NRXN2: variants seen among roughly 807,000 people sequenced by gnomAD.
The protein encoded by NRXN2 is neurexin-2-beta.
NRXN2 carries 29 observed loss-of-function variants against 128.8 expected under a neutral mutation model. The ratio of observed to expected loss-of-function variants is 0.23; its 90% CI spans 0.17 to 0.31. The LOEUF (loss-of-function observed/expected upper bound fraction) is 0.31, where lower values mean the gene tolerates loss of function less well. Among genes scored for constraint, NRXN2 ranks in the 10% least tolerant of loss-of-function variants. The pLI is 1.00. For missense variants in NRXN2, 1,881 were observed against 2,452.6 expected, an observed-to-expected ratio of 0.77 and a Z score of 4.92; for synonymous variants, 1,098 against 1,075.2, an observed-to-expected ratio of 1.02 and a Z score of -0.41.
At chr11:64,686,884 T>C (rs1428605240) in intron 5 of NRXN2, among the ~76,000 whole-genome samples, 2 of 152,276 alleles carry the variant, frequency 1.3e-5, no homozygotes, top group Non-Finnish European at 2.9e-5. Context: ...GGCTGAGGGA[T>C]TGTCAGCATT....
At chr11:64,627,749 C>A (rs1053706628) in intron 19 of NRXN2, among the ~76,000 whole-genome samples, 1 of 152,142 alleles carries the variant, frequency 6.6e-6, no homozygotes, top group Non-Finnish European at 1.5e-5. Flanking sequence ...TCCTGGTCTG[C>A]AGCAGTGGAA....
chr11:64,656,653 G>C (rs2048329543), intron 11 of NRXN2, among the ~76,000 whole-genome samples: 4 of 152,246 alleles, frequency 2.6e-5, no homozygotes, highest in Middle Eastern at 3.4e-3. Flanking sequence ...ACACCTAGTA[G>C]AGGACAGTGC....
chr11:64,674,827 G>A (rs952967462), intron 7 of NRXN2, among the ~76,000 whole-genome samples: 3 of 152,194 alleles, frequency 2.0e-5, no homozygotes, highest in Non-Finnish European at 4.4e-5. Flanking sequence ...CCTTTACAGA[G>A]TACAAATGTT....
intron 13 of NRXN2, 31 bp downstream of exon 13, chr11:64,652,004 G>A: frequency 6.2e-7 from 1 of 1,607,372 alleles, no homozygotes; most frequent in Non-Finnish European, 8.5e-7. Context: ...CACTGGAGAT[G>A]TGTCCACCTC....
At chr11:64,683,835 C>A (rs1021812724) in intron 6 of NRXN2, among the ~76,000 whole-genome samples, 1 of 152,080 alleles carries the variant, frequency 6.6e-6, no homozygotes, top group African/African-American at 2.4e-5. Flanking sequence ...CTCCGGGAAC[C>A]CCAGGAAGAA....
intron 11 of NRXN2, 73 bp from the exon 12 acceptor site, chr11:64,653,795 T>C: frequency 9.2e-7 from 1 of 1,084,396 alleles, no homozygotes; most frequent in Non-Finnish European, 1.3e-6. Context: ...TTTTTTTACA[T>C]CCTTCACAGG....
At chr11:64,664,478 C>CA (rs11378464) in intron 9 of NRXN2, among the ~76,000 whole-genome samples, 40,307 of 98,454 alleles carry the variant, frequency 0.41, 7,473 homozygotes, top group African/African-American at 0.58. Flanking sequence ...AACTCCGTGT[C>CA]AAAAAAAAAA....
Position 64,685,750 on chromosome 11 carries a change from T to C in NRXN2, c.1048A>G (p.Ile350Val). ...TCGAAGGCACCTGAGCCTAGGTTGA[T>C]GACCAGCCAGACAGCCCCAGACTTG... ...SLKSGAVWLV[I>V]NLGSGAFEAL... Residue 350 changes from isoleucine (I) to valine (V), a missense_variant, in exon 6 of 23, where the codon ATC (isoleucine) becomes GTC (valine). Ile to Val is a conservative substitution (Grantham distance 29). This residue lies in a region of NRXN2 where 997 missense variants were observed against 1,240.8 expected (regional missense o/e 0.80). Transcript: ENST00000265459. 1 of 1,614,234 alleles carries C rather than the reference T, an allele frequency of 6.2e-7. No homozygotes were observed. Among genetic ancestry groups the C allele is most frequent in the Non-Finnish European group, 8.5e-7 (1 of 1,180,032 alleles).
intron 5 of NRXN2, among the ~76,000 whole-genome samples, chr11:64,687,982 T>G (rs992818674): frequency 6.6e-6 from 1 of 152,160 alleles, no homozygotes. Context: ...TTTTGCCACA[T>G]GTACTAGTCC....
In NRXN2 at chr11:64,693,344, G is replaced by GA. The variant is rs560071868; in HGVS notation, c.749-469dup. On this transcript the variant is annotated intron_variant, in intron 3 of 22. Transcript: ENST00000265459. ...TTTTTTTTCTTCCGGGAGGCGGAGA[G>GA]AAAAAAAAACAGTCAACGAGAAAAA... Among the ~76,000 whole-genome samples, 479 of 144,862 alleles carry GA rather than the reference G, an allele frequency of 3.3e-3. 3 individuals carry two copies. The highest frequency in any genetic ancestry group is 4.5e-3 in the Non-Finnish European group (299 of 65,936).
At chr11:64,661,212 G>T (rs1047946433) in intron 9 of NRXN2, 73 bp from the exon 10 acceptor site, 4 of 1,601,692 alleles carry the variant, frequency 2.5e-6, no homozygotes, top group South Asian at 1.1e-5. Context: ...TGCCAAGAAG[G>T]CCCCCCACCT....
intron 7 of NRXN2, among the ~76,000 whole-genome samples, chr11:64,669,989 T>C (rs932309500): frequency 6.6e-6 from 1 of 151,878 alleles, no homozygotes; most frequent in African/African-American, 2.4e-5. Flanking sequence ...CCACCAGCCA[T>C]CTTCCAGCGA....
intron 3 of NRXN2, among the ~76,000 whole-genome samples, 163 bp downstream of exon 3, chr11:64,697,610 AAG>A (rs2054737680): frequency 6.6e-6 from 1 of 152,120 alleles, no homozygotes; most frequent in Non-Finnish European, 1.5e-5. Context: ...GAGGGGACGC[AAG>A]AGAGTGGGGC....
chr11:64,644,257 T>C (rs1424982833), intron 17 of NRXN2, among the ~76,000 whole-genome samples: 3 of 151,972 alleles, frequency 2.0e-5, no homozygotes, highest in African/African-American at 4.8e-5. Context: ...CCCAGAGCCT[T>C]CGAGGTACTC....
chr11:64,693,066 G>A (rs1369530583), intron 3 of NRXN2, among the ~76,000 whole-genome samples, 190 bp from the exon 4 acceptor site: 1 of 151,752 alleles, frequency 6.6e-6, no homozygotes, highest in African/African-American at 2.4e-5. Context: ...CCCAGCCCAG[G>A]AGCTGAGGAG....
In NRXN2 at chr11:64,632,805, C is replaced by T. The variant is rs926364518; in HGVS notation, c.3586-2232G>A. On this transcript the variant is annotated intron_variant, in intron 18 of 22. Transcript: ENST00000265459. This position sits in a 1 kb window ranked among gnomAD's most constrained non-coding sequence, Gnocchi z 4.2. ...CCTCATTAGGCGGCGGTGGGGAGAA[C>T]GAAGCCGCTCCTACAGCAAATAATT... 7.2e-5 allele frequency among the ~76,000 whole-genome samples: 11 copies of T among 152,336 alleles called. No individual in the cohort carries two copies. The East Asian group carries it at 7.7e-4, about 11-fold the overall frequency.
At chr11:64,717,198 G>A (rs1029249602) in intron 1 of NRXN2, among the ~76,000 whole-genome samples, 17 of 152,178 alleles carry the variant, frequency 1.1e-4, no homozygotes, top group Non-Finnish European at 2.2e-4. Flanking sequence ...AGAGGAAGCC[G>A]CCTTGCACCC....
chr11:64,713,476 C>A lies in NRXN2; in HGVS notation c.224G>T (p.Cys75Phe). 6.5e-7 allele frequency: 1 copy of A among 1,533,804 alleles called. No individual in the cohort carries two copies. Among genetic ancestry groups the A allele is most frequent in the Admixed American group, 1.9e-5 (1 of 51,814 alleles). The change falls in exon 2 of 23, where the codon TGC becomes TTC. Residue 75 changes from cysteine to phenylalanine, a missense_variant. By Grantham distance (205) the Cys-to-Phe change is radical. Around this residue, in one of 7 missense-constraint regions of NRXN2, gnomAD observed 997 missense variants for 1,240.8 expected, o/e 0.80. Coordinates refer to ENST00000265459, the MANE Select transcript of NRXN2 (RefSeq NM_015080.4). ...CACCAGCAGCAGCTCCAGGAAGTCG[C>A]AGTCGCCGCCGTCGTCCAGGTAGAG... Reference protein sequence around the residue: ...LLLYLDDGGDCDFLELLLVDG... With the variant: ...LLLYLDDGGDFDFLELLLVDG...
intron 7 of NRXN2, among the ~76,000 whole-genome samples, chr11:64,670,374 T>TA (rs1467856803): frequency 2.0e-5 from 3 of 151,996 alleles, no homozygotes; most frequent in South Asian, 4.1e-4. Context: ...GTCAAAGTAT[T>TA]AGTCACAAAA....
Sources: allele counts gnomAD v4.1 joint callset (sites outside exome capture counted in the v4.1 genomes callset), GRCh38; gene constraint gnomAD v4.1.1; regional missense constraint gnomAD v4.1.1; non-coding constraint Gnocchi (gnomAD v3.1); transcripts MANE v1.5; gene names NCBI Gene and HGNC (gene_info 2026-07-23, HGNC 2026-07-21).